The following ZNF462 variants were observed in gnomAD, a reference collection of about 807,000 sequenced individuals.
ZNF462 encodes zinc finger PBX1-interacting protein.
Under a neutral mutation model 201.9 loss-of-function variants are expected in ZNF462, and 10 were observed. That is an observed-to-expected ratio of 0.05 (90% CI 0.03 to 0.08). The LOEUF (loss-of-function observed/expected upper bound fraction) is 0.08. ZNF462 is among the 10% of genes least tolerant of loss of function. ZNF462 has a pLI of 1.00. For missense variants in ZNF462, 2,523 were observed against 3,168.3 expected (o/e 0.80, Z 4.89); for synonymous variants, 1,227 against 1,193.3 (o/e 1.03, Z -0.58).
In ZNF462 at chr9:106,865,489, A is replaced by C. The variant is rs1046398693; in HGVS notation, c.-31+2134A>C. Reference sequence around the variant, plus strand: ...TTCTGCAAATATAAAAAATAATAAGAATAATCCTGCAAGATCTCAGAGGAA... The same window carrying C: ...TTCTGCAAATATAAAAAATAATAAGCATAATCCTGCAAGATCTCAGAGGAA... On this transcript the variant is annotated intron_variant, in intron 1 of 12. Coordinates refer to ENST00000277225, the MANE Select transcript of ZNF462 (RefSeq NM_021224.6). The surrounding 1 kb of genome is among the most constrained non-coding windows in gnomAD (Gnocchi z 4.1). Among the ~76,000 whole-genome samples the C allele has an allele frequency of 2.0e-5, 3 of 152,162 alleles. No homozygotes were observed. The highest frequency in any genetic ancestry group is 7.2e-5 in the African/African-American group (3 of 41,432).
chr9:106,981,425 G>A lies in ZNF462; in HGVS notation c.6833-2761G>A, dbSNP rs1251212472. Among the ~76,000 whole-genome samples, 2 of 152,210 alleles carry A rather than the reference G, an allele frequency of 1.3e-5. No individual in the cohort carries two copies. ...ACCTGTGTTCCCAGGTCACAGCTTT[G>A]TGCTGAACCAGAGGTGTGACTTTGA... On this transcript the variant is annotated intron_variant, in intron 9 of 12. Transcript: ENST00000277225. The surrounding 1 kb of genome is among the most constrained non-coding windows in gnomAD (Gnocchi z 4.0).
intron 1 of ZNF462, among the ~76,000 whole-genome samples, chr9:106,894,334 G>A (rs1828719417): frequency 6.6e-6 from 1 of 152,226 alleles, no homozygotes; most frequent in African/African-American, 2.4e-5. Flanking sequence ...AGGTAGTAGA[G>A]ACATGCTGCT....
intron 1 of ZNF462, among the ~76,000 whole-genome samples, chr9:106,900,203 C>T (rs1290992896): frequency 7.4e-6 from 1 of 134,652 alleles, no homozygotes; most frequent in African/African-American, 2.8e-5. Flanking sequence ...AGTATTCCAT[C>T]GTGTGTGTGT....
Position 107,003,528 on chromosome 9 carries a change from A to G in ZNF462, c.7189+102A>G, listed in dbSNP as rs1411957403. 4 of 1,420,438 alleles carry G rather than the reference A, an allele frequency of 2.8e-6. No homozygotes were observed. In the African/African-American group the frequency reaches 5.7e-5, roughly 20 times the overall value. The allele number at this position is 1,420,438 out of a possible 1,614,324, so 88.0% of individuals were successfully genotyped here. ...TGTTGTAGGAGTAACAGAAGGAATG[A>G]TCCTTCTTAGTTAAGTAGCAGAACA... On this transcript the variant is annotated intron_variant, in intron 11 of 12. Coordinates refer to ENST00000277225, the MANE Select transcript of ZNF462 (RefSeq NM_021224.6). This position sits in a 1 kb window ranked among gnomAD's most constrained non-coding sequence, Gnocchi z 4.4.
Position 107,012,439 on chromosome 9 carries a change from C to CTTTTTTTTTTTTTT in ZNF462, c.*1421_*1434dup, listed in dbSNP as rs962253808. ...GCCTGGAGAACTACTTTCTTTCTTT[C>CTTTTTTTTTTTTTT]TTTTTTTTTTTTTTTTTTTTTTTTT... On this transcript the variant is annotated 3_prime_UTR_variant, in exon 13 of 13. Coordinates refer to ENST00000277225, the MANE Select transcript of ZNF462 (RefSeq NM_021224.6). The CTTTTTTTTTTTTTT allele has an allele frequency of 3.5e-5, 3 of 86,302 alleles. No individual in the cohort carries two copies. The highest frequency in any genetic ancestry group is 1.3e-4 in the African/African-American group (3 of 23,488). 5.3% of individuals were successfully genotyped at this position (86,302 alleles called of 1,614,324 possible).
intron 10 of ZNF462, among the ~76,000 whole-genome samples, chr9:106,990,980 G>T (rs997179709): frequency 1.3e-5 from 2 of 152,000 alleles, no homozygotes; most frequent in African/African-American, 2.4e-5. Context: ...TGATTTCAGG[G>T]TTCATGAGAG....
At chr9:106,983,672 T>C (rs1024372265) in intron 9 of ZNF462, among the ~76,000 whole-genome samples, 1 of 152,208 alleles carries the variant, frequency 6.6e-6, no homozygotes, top group African/African-American at 2.4e-5. Flanking sequence ...TTTGTACTTA[T>C]TTGTAAAAAT....
At chr9:106,946,682 G>A (rs1030405423) in intron 7 of ZNF462, among the ~76,000 whole-genome samples, 1 of 152,090 alleles carries the variant, frequency 6.6e-6, no homozygotes, top group South Asian at 2.1e-4. Flanking sequence ...TTAAAAGTGT[G>A]AAGAGCCCCG....
chr9:107,010,950 C>T lies in ZNF462; in HGVS notation c.7441C>T (p.Leu2481=), dbSNP rs1394007531. 1 of 1,613,620 alleles carries T rather than the reference C, an allele frequency of 6.2e-7. No homozygotes were observed. The highest frequency in any genetic ancestry group is 1.3e-5 in the African/African-American group (1 of 74,902). ...CGAGGCCATTGGGATAGACTTTTCC[C>T]TAAAGAATGAAACAGTAGCCATCTG... ...DDEAIGIDFS[L]KNETVAICVV... Residue 2481 remains leucine, a synonymous_variant, in exon 13 of 13, where the codon CTA becomes TTA. Transcript: ENST00000277225. This position sits in a 1 kb window ranked among gnomAD's most constrained non-coding sequence, Gnocchi z 4.6.
chr9:106,936,363 C>T (rs1296101807), intron 6 of ZNF462, among the ~76,000 whole-genome samples: 1 of 152,132 alleles, frequency 6.6e-6, no homozygotes, highest in Admixed American at 6.5e-5. Flanking sequence ...CTTGTATAAC[C>T]CTTGGTCACA....
intron 1 of ZNF462, among the ~76,000 whole-genome samples, chr9:106,869,167 G>A (rs1827478877): frequency 6.6e-6 from 1 of 152,188 alleles, no homozygotes; most frequent in African/African-American, 2.4e-5. Flanking sequence ...ACGTGGTGCA[G>A]ATTTAAATTG....
intron 1 of ZNF462, among the ~76,000 whole-genome samples, chr9:106,900,701 T>C (rs1829029359): frequency 6.6e-6 from 1 of 152,230 alleles, no homozygotes; most frequent in South Asian, 2.1e-4. Context: ...GAGAATTGGC[T>C]ATTCATGTCC....
intron 1 of ZNF462, among the ~76,000 whole-genome samples, chr9:106,887,663 A>G (rs144635883): frequency 6.6e-6 from 1 of 152,324 alleles, no homozygotes; most frequent in African/African-American, 2.4e-5. Context: ...TTGTATATAC[A>G]TCTATTTCTT....
At chr9:106,899,494 G>A (rs79101374) in intron 1 of ZNF462, among the ~76,000 whole-genome samples, 2,708 of 152,246 alleles carry the variant, frequency 0.018, 78 homozygotes, top group African/African-American at 0.061. Flanking sequence ...ATAGGTGTCT[G>A]TGCAGATGAG....
chr9:107,008,905 T>A lies in ZNF462; in HGVS notation c.7190-640T>A, dbSNP rs1829748664. 6.6e-6 allele frequency among the ~76,000 whole-genome samples: 1 copy of A among 152,218 alleles called. No homozygotes were observed. The highest frequency in any genetic ancestry group is 1.5e-5 in the Non-Finnish European group (1 of 68,030). On this transcript the variant is annotated intron_variant, in intron 11 of 12. Coordinates refer to ENST00000277225, the MANE Select transcript of ZNF462 (RefSeq NM_021224.6). This position sits in a 1 kb window ranked among gnomAD's most constrained non-coding sequence, Gnocchi z 4.8. ...CAGGATCTCTCAATAGCAGGGGACA[T>A]GTGTTCACATACTGGTTCCCACTCA... is the stretch of plus-strand genomic sequence containing the variant.
chr9:106,899,576 G>T (rs1393146359), intron 1 of ZNF462, among the ~76,000 whole-genome samples: 1 of 152,176 alleles, frequency 6.6e-6, no homozygotes, highest in African/African-American at 2.4e-5. Flanking sequence ...ATGGGAGACA[G>T]ACTTAACTAT....
chr9:106,990,865 G>A (rs1588169926), intron 10 of ZNF462, among the ~76,000 whole-genome samples: 1 of 152,060 alleles, frequency 6.6e-6, no homozygotes, highest in East Asian at 1.9e-4. Context: ...ACTTTTGTAA[G>A]TAAAGATGGC....
intron 1 of ZNF462, among the ~76,000 whole-genome samples, chr9:106,894,144 C>T (rs1828709150): frequency 6.6e-6 from 1 of 152,234 alleles, no homozygotes; most frequent in African/African-American, 2.4e-5. Context: ...AAGATCTGAC[C>T]ATTGTTAATT....
In ZNF462 at chr9:106,978,711, T is replaced by A. The variant is rs1827196899; in HGVS notation, c.6832+4438T>A. The A allele has an allele frequency of 6.6e-6, 1 of 152,152 alleles. No individual in the cohort carries two copies. The highest frequency in any genetic ancestry group is 1.5e-5 in the Non-Finnish European group (1 of 68,376). 9.4% of individuals were successfully genotyped at this position (152,152 alleles called of 1,614,324 possible). A position where few individuals can be genotyped will look rare whatever the true frequency, so the allele number is the denominator to read the frequency against. ...CACCCACTATATGCCAGCCTTATTT[T>A]GTTTTTGGCTTTTTGAAGGAGACTT... On this transcript the variant is annotated intron_variant, in intron 9 of 12. Coordinates refer to ENST00000277225, the MANE Select transcript of ZNF462 (RefSeq NM_021224.6). The surrounding 1 kb of genome is among the most constrained non-coding windows in gnomAD (Gnocchi z 4.1).
Sources: gnomAD v4.1 joint callset for allele counts (sites outside exome capture counted in the v4.1 genomes callset) on GRCh38, gnomAD v4.1.1 for gene constraint, Gnocchi (gnomAD v3.1) non-coding constraint, MANE v1.5 for transcripts, NCBI Gene and HGNC (gene_info 2026-07-23, HGNC 2026-07-21) for gene names.